SNTB1: variants seen among roughly 807,000 people sequenced by gnomAD.
SNTB1 encodes syntrophin beta 1, also known as beta-1-syntrophin.
A neutral mutation model predicts 48.9 loss-of-function variants in SNTB1; 36 were observed. The ratio of observed to expected loss-of-function variants is 0.74; its 90% confidence interval spans 0.56 to 0.97. The LOEUF (loss-of-function observed/expected upper bound fraction) is 0.97. Among genes scored for constraint, SNTB1 ranks in the 50% least tolerant of loss-of-function variants. The probability of loss-of-function intolerance (pLI) is 0.00; values close to 1 mark genes in which losing one functional copy is unlikely to be tolerated. For missense variants in SNTB1, 786 were observed against 703.4 expected (o/e 1.12, Z -1.33); for synonymous variants, 299 against 294.6 (o/e 1.01, Z -0.15).
At chr8:120,701,207 G>A (rs1403839628) in intron 1 of SNTB1, among the ~76,000 whole-genome samples, 2 of 152,162 alleles carry the variant, frequency 1.3e-5, no homozygotes, top group African/African-American at 4.8e-5. Flanking sequence ...AAGAAATGAT[G>A]AAAGAGGTAC....
chr8:120,806,570 A>C (rs1378248074), intron 1 of SNTB1, among the ~76,000 whole-genome samples: 1 of 152,176 alleles, frequency 6.6e-6, no homozygotes, highest in East Asian at 1.9e-4. Flanking sequence ...TATTTGTGAA[A>C]TTCACTTTAC....
chr8:120,720,421 C>CT (rs1293396523), intron 1 of SNTB1, among the ~76,000 whole-genome samples: 1 of 152,226 alleles, frequency 6.6e-6, no homozygotes, highest in Non-Finnish European at 1.5e-5. Context: ...ACAACTGAGT[C>CT]TTTTCCGTAT....
At chr8:120,800,748 C>T (rs960091307) in intron 1 of SNTB1, among the ~76,000 whole-genome samples, 1 of 151,892 alleles carries the variant, frequency 6.6e-6, no homozygotes, top group African/African-American at 2.4e-5. Flanking sequence ...ACTAAGCAAA[C>T]AGGAAAAACA....
At chr8:120,783,808 T>C (rs577702393) in intron 1 of SNTB1, among the ~76,000 whole-genome samples, 4 of 152,208 alleles carry the variant, frequency 2.6e-5, no homozygotes, top group African/African-American at 7.2e-5. Flanking sequence ...ATATTCGAAA[T>C]AGATAAAACA....
At chr8:120,765,523 A>G (rs1819506009) in intron 1 of SNTB1, among the ~76,000 whole-genome samples, 1 of 152,146 alleles carries the variant, frequency 6.6e-6, no homozygotes, top group Admixed American at 6.5e-5. Context: ...TGAGAAGTCC[A>G]ATATCAAGGT....
intron 1 of SNTB1, among the ~76,000 whole-genome samples, chr8:120,733,971 T>C (rs970816271): frequency 1.3e-5 from 2 of 152,190 alleles, no homozygotes; most frequent in Admixed American, 6.5e-5. Flanking sequence ...TTGTTAGTAA[T>C]AATATCAGCC....
chr8:120,635,341 A>T (rs972824511), intron 2 of SNTB1, among the ~76,000 whole-genome samples: 3 of 152,174 alleles, frequency 2.0e-5, no homozygotes, highest in Non-Finnish European at 4.4e-5. Context: ...TTTTTCTTCT[A>T]TTTCTTGAAA....
chr8:120,554,287 C>T (rs1815528849), intron 4 of SNTB1, among the ~76,000 whole-genome samples: 2 of 152,300 alleles, frequency 1.3e-5, no homozygotes, highest in East Asian at 3.9e-4. Context: ...TTGGTTCCCG[C>T]TTTGTGCCCT....
At chr8:120,799,965 T>C (rs184155354) in intron 1 of SNTB1, among the ~76,000 whole-genome samples, 20 of 152,258 alleles carry the variant, frequency 1.3e-4, no homozygotes, top group Admixed American at 9.2e-4. Flanking sequence ...TTCATGACTT[T>C]TTGAAAAATC....
At position 120,759,510 on chromosome 8, in the gene SNTB1, G is replaced by A. The variant is rs114666816; in HGVS notation, c.571+51763C>T. Among the ~76,000 whole-genome samples the A allele has an allele frequency of 1.1e-3, 160 of 152,262 alleles. 2 individuals are homozygous for A. Among genetic ancestry groups the A allele is most frequent in the African/African-American group, 3.7e-3 (152 of 41,552 alleles). On this transcript the variant is annotated intron_variant, in intron 1 of 6. Coordinates refer to ENST00000517992, the MANE Select transcript of SNTB1 (RefSeq NM_021021.4). ...AAAAATCACAATGAACAAAGTATGC[G>A]TGTTTGAAAGTGGCATTACAGTACT...
At chr8:120,696,555 T>G (rs1818213722) in intron 1 of SNTB1, among the ~76,000 whole-genome samples, 1 of 152,188 alleles carries the variant, frequency 6.6e-6, no homozygotes, top group Non-Finnish European at 1.5e-5. Context: ...AACTAAGGTC[T>G]AGAGAAGGTA....
chr8:120,591,702 A>C (rs982920169), intron 3 of SNTB1, among the ~76,000 whole-genome samples: 9 of 151,986 alleles, frequency 5.9e-5, no homozygotes, highest in African/African-American at 2.2e-4. Flanking sequence ...CACCCCAACA[A>C]ATTTCTGAGT....
At chr8:120,551,039 C>T (rs914512602) in intron 4 of SNTB1, among the ~76,000 whole-genome samples, 2 of 151,992 alleles carry the variant, frequency 1.3e-5, no homozygotes, top group Admixed American at 6.6e-5. Flanking sequence ...GGATGTATCA[C>T]GAGGTCAGGA....
At chr8:120,674,952 A>G (rs1042352103) in intron 2 of SNTB1, among the ~76,000 whole-genome samples, 1 of 152,224 alleles carries the variant, frequency 6.6e-6, no homozygotes, top group Non-Finnish European at 1.5e-5. Context: ...GTTATGCTAC[A>G]GTTACACTTA....
At position 120,632,802 on chromosome 8, in the gene SNTB1, G is replaced by C. The variant is rs992297783; in HGVS notation, c.789-151C>G. On this transcript the variant is annotated intron_variant, in intron 2 of 6. Transcript: ENST00000517992. ...GCCTTAACAGTCCCGCCATCCATTC[G>C]TTCACTCATTAATTCATCCACGCAT... is the stretch of plus-strand genomic sequence containing the variant. 7.5e-6 allele frequency: 5 copies of C among 665,524 alleles called. No homozygotes were observed. The African/African-American group carries it at 9.0e-5, about 12-fold the overall frequency. 41.2% of individuals were successfully genotyped at this position (665,524 alleles called of 1,614,324 possible).
At chr8:120,765,391 G>A (rs925621901) in intron 1 of SNTB1, among the ~76,000 whole-genome samples, 4 of 152,196 alleles carry the variant, frequency 2.6e-5, no homozygotes, top group African/African-American at 9.7e-5. Flanking sequence ...CTTGACTGTT[G>A]CCCTTCCTCT....
At chr8:120,733,501 A>G (rs1220271830) in intron 1 of SNTB1, among the ~76,000 whole-genome samples, 1 of 152,208 alleles carries the variant, frequency 6.6e-6, no homozygotes, top group Non-Finnish European at 1.5e-5. Context: ...ACCAAGTAAT[A>G]TTTGTCTTTC....
chr8:120,755,770 T>C (rs949626275), intron 1 of SNTB1, among the ~76,000 whole-genome samples: 1 of 152,170 alleles, frequency 6.6e-6, no homozygotes, highest in Non-Finnish European at 1.5e-5. Flanking sequence ...ACATAGTAAG[T>C]ACTATGTTCC....
At chr8:120,635,817 A>G (rs1041602437) in intron 2 of SNTB1, 3 of 281,656 alleles carry the variant, frequency 1.1e-5, no homozygotes, top group African/African-American at 4.6e-5. Flanking sequence ...AAGAAGAGTC[A>G]TATGTACTTC....
Sources: allele counts gnomAD v4.1 joint callset (sites outside exome capture counted in the v4.1 genomes callset), GRCh38; gene constraint gnomAD v4.1.1; transcripts MANE v1.5; gene names NCBI Gene and HGNC (gene_info 2026-07-23, HGNC 2026-07-21).